MAGI3: variants seen among roughly 807,000 people sequenced by gnomAD.
MAGI3 encodes the protein membrane-associated guanylate kinase, WW and PDZ domain-containing protein 3.
A neutral mutation model predicts 121.8 loss-of-function variants in MAGI3; 43 were observed. The observed-to-expected ratio is 0.35, with a 90% CI of 0.28 to 0.46. The LOEUF is 0.46. Ranked by LOEUF, MAGI3 falls within the 20% of genes least tolerant of loss-of-function variation. MAGI3 has a pLI of 1.00. For synonymous variants in MAGI3, 553 were observed against 639.3 expected, an observed-to-expected ratio of 0.86 and a Z score of 2.04; for missense variants, 1,547 against 1,797.3, an observed-to-expected ratio of 0.86 and a Z score of 2.52.
At chr1:113,446,934 A>G (rs1654205278) in intron 1 of MAGI3, among the ~76,000 whole-genome samples, 1 of 152,230 alleles carries the variant, frequency 6.6e-6, no homozygotes, top group Non-Finnish European at 1.5e-5. Context: ...CTACTTATGC[A>G]GTATAGAGTG....
chr1:113,437,884 CT>C (rs1557757239), intron 1 of MAGI3, among the ~76,000 whole-genome samples: 2 of 4,660 alleles, frequency 4.3e-4, no homozygotes, highest in Non-Finnish European at 4.0e-4. Flanking sequence ...TCTTCTCCTT[CT>C]CCTTCTCCTT....
chr1:113,541,614 G>T (rs768117845), intron 1 of MAGI3, among the ~76,000 whole-genome samples: 4 of 152,154 alleles, frequency 2.6e-5, no homozygotes, highest in Non-Finnish European at 5.9e-5. Flanking sequence ...AACCTTCTGA[G>T]TTTAAAACCT....
intron 3 of MAGI3, among the ~76,000 whole-genome samples, chr1:113,581,681 T>C (rs1361169485): frequency 6.6e-6 from 1 of 152,126 alleles, no homozygotes; most frequent in Non-Finnish European, 1.5e-5. Context: ...ATTGCTACCA[T>C]GCTAGTCTTC....
chr1:113,670,225 A>T (rs1647458535), intron 16 of MAGI3, among the ~76,000 whole-genome samples: 1 of 152,132 alleles, frequency 6.6e-6, no homozygotes, highest in South Asian at 2.1e-4. Flanking sequence ...GCTTGGCCAT[A>T]TACCATTTCT....
chr1:113,630,855 C>T (rs897246752), intron 9 of MAGI3, among the ~76,000 whole-genome samples: 1 of 152,154 alleles, frequency 6.6e-6, no homozygotes, highest in Non-Finnish European at 1.5e-5. Context: ...TCGTAGGTTG[C>T]AGTCAGGTGT....
rs1656452519 is a variant in MAGI3 at position 113,487,669 on chromosome 1, T to C, written c.317-61846T>C. Among the ~76,000 whole-genome samples the C allele has an allele frequency of 2.6e-5, 4 of 152,080 alleles. No homozygotes were observed. The South Asian group carries it at 8.3e-4, about 31-fold the overall frequency. Reference sequence around the variant, plus strand: ...ATTGAAAATAATACATTATAACAAATTTAAGTGTAGTAAAGTAGAAATTAA... The same window carrying C: ...ATTGAAAATAATACATTATAACAAACTTAAGTGTAGTAAAGTAGAAATTAA... On this transcript the variant is annotated intron_variant, in intron 1 of 20. Coordinates refer to ENST00000307546, the MANE Select transcript of MAGI3 (RefSeq NM_001142782.2).
chr1:113,403,196 G>A (rs6663687), intron 1 of MAGI3, among the ~76,000 whole-genome samples: 1,763 of 152,124 alleles, frequency 0.012, 41 homozygotes, highest in African/African-American at 0.041. Flanking sequence ...TGCCACCTCT[G>A]CTTGAGTCAG....
chr1:113,527,465 T>C lies in MAGI3; in HGVS notation c.317-22050T>C, dbSNP rs564185456. Among the ~76,000 whole-genome samples, 5 of 152,332 alleles carry C rather than the reference T, an allele frequency of 3.3e-5. No homozygotes were observed. In the East Asian group the frequency reaches 9.6e-4, roughly 29 times the overall value. ...CTAGTTAAATAGGGAGAAAGGCATATAAAAGATTGTGTTATCTTTAAGAAT... is the reference window on the plus strand; with the variant it reads ...CTAGTTAAATAGGGAGAAAGGCATACAAAAGATTGTGTTATCTTTAAGAAT... On this transcript the variant is annotated intron_variant, in intron 1 of 20. Transcript: ENST00000307546.
chr1:113,497,505 C>T (rs1656987695), intron 1 of MAGI3, among the ~76,000 whole-genome samples: 1 of 49,686 alleles, frequency 2.0e-5, no homozygotes, highest in African/African-American at 7.7e-5. Context: ...CTTTTCAGAC[C>T]GGCTTAAGAA....
intron 1 of MAGI3, among the ~76,000 whole-genome samples, chr1:113,526,580 T>C (rs1219384503): frequency 6.6e-6 from 1 of 152,160 alleles, no homozygotes; most frequent in Non-Finnish European, 1.5e-5. Context: ...CTGGAGGTCT[T>C]ATAAACCACA....
intron 1 of MAGI3, chr1:113,450,603 G>A (rs1654430806): frequency 9.1e-7 from 1 of 1,093,668 alleles, no homozygotes; most frequent in Admixed American, 1.7e-5. Context: ...GGAAATTATA[G>A]TGGACAACAG....
intron 2 of MAGI3, among the ~76,000 whole-genome samples, chr1:113,568,810 A>T (rs1660537258): frequency 6.6e-6 from 1 of 152,118 alleles, no homozygotes; most frequent in Non-Finnish European, 1.5e-5. Context: ...TTAAAGTCCT[A>T]GGTGTGAAAG....
intron 3 of MAGI3, among the ~76,000 whole-genome samples, chr1:113,584,264 A>G (rs1648222831): frequency 6.6e-6 from 1 of 152,158 alleles, no homozygotes; most frequent in Non-Finnish European, 1.5e-5. Context: ...TAGGAACCAC[A>G]AACTGTTAAT....
At chr1:113,679,122 G>A (rs1648050601) in intron 19 of MAGI3, among the ~76,000 whole-genome samples, 1 of 151,926 alleles carries the variant, frequency 6.6e-6, no homozygotes, top group South Asian at 2.1e-4. Context: ...AATAAGTTCA[G>A]TGCGGCACAT....
At chr1:113,490,283 C>G (rs111868490) in intron 1 of MAGI3, among the ~76,000 whole-genome samples, 103 of 152,252 alleles carry the variant, frequency 6.8e-4, no homozygotes, top group African/African-American at 2.4e-3. Flanking sequence ...TACAGCCAAA[C>G]TAAGCTTCAT....
intron 9 of MAGI3, among the ~76,000 whole-genome samples, chr1:113,638,018 G>A (rs985779355): frequency 2.8e-4 from 43 of 151,892 alleles, no homozygotes; most frequent in Non-Finnish European, 5.3e-4. Flanking sequence ...TCAGTTGATC[G>A]CATCGGCTCC....
chr1:113,536,162 A>ATTTT (rs1557809777), intron 1 of MAGI3, among the ~76,000 whole-genome samples: 3 of 145,682 alleles, frequency 2.1e-5, no homozygotes, highest in Non-Finnish European at 3.1e-5. Flanking sequence ...TTTTTTTTAA[A>ATTTT]AAAATTTGAT....
At chr1:113,561,584 C>G (rs1660236670) in intron 2 of MAGI3, among the ~76,000 whole-genome samples, 1 of 152,102 alleles carries the variant, frequency 6.6e-6, no homozygotes, top group South Asian at 2.1e-4. Context: ...TAAAAATTCT[C>G]AATAAACTAG....
At chr1:113,517,967 C>T (rs1240557045) in intron 1 of MAGI3, among the ~76,000 whole-genome samples, 2 of 152,028 alleles carry the variant, frequency 1.3e-5, no homozygotes, top group Non-Finnish European at 2.9e-5. Flanking sequence ...AATACCCTTT[C>T]TCTTAATCTT....
Sources: gnomAD v4.1 joint callset for allele counts (sites outside exome capture counted in the v4.1 genomes callset) on GRCh38, gnomAD v4.1.1 for gene constraint, MANE v1.5 for transcripts, NCBI Gene and HGNC (gene_info 2026-07-23, HGNC 2026-07-21) for gene names.